Variants in PCDHA2 observed in about 807,000 individuals in gnomAD.
The protein encoded by PCDHA2 is protocadherin alpha-2.
Under a neutral mutation model 66.0 loss-of-function variants are expected in PCDHA2, and 58 were observed. The ratio of observed to expected loss-of-function variants is 0.88; its 90% CI spans 0.71 to 1.09. PCDHA2 has a LOEUF of 1.09. PCDHA2 is among the 50% of genes least tolerant of loss of function. The pLI is 0.00. For missense variants in PCDHA2, 1,267 were observed against 1,242.3 expected, an observed-to-expected ratio of 1.02 and a Z score of -0.30; for synonymous variants, 634 against 554.0, an observed-to-expected ratio of 1.14 and a Z score of -2.03.
Position 140,849,058 on chromosome 5 carries a change from A to G in PCDHA2, c.2388+51706A>G, listed in dbSNP as rs2150429611. 41 of 1,550,890 alleles carry G rather than the reference A, an allele frequency of 2.6e-5. 1 individual carries two copies. Among genetic ancestry groups the G allele is most frequent in the Non-Finnish European group, 3.6e-5 (41 of 1,140,546 alleles). On this transcript the variant is annotated intron_variant, in intron 1 of 3. Coordinates refer to ENST00000526136, the MANE Select transcript of PCDHA2 (RefSeq NM_018905.3). ...CTGGACGTGCCAACCAGCAACCAGCAGGTAAAACCTCTTGGACTTGTATTA... is the reference window on the plus strand; with the variant it reads ...CTGGACGTGCCAACCAGCAACCAGCGGGTAAAACCTCTTGGACTTGTATTA...
intron 1 of PCDHA2, among the ~76,000 whole-genome samples, chr5:140,943,257 C>CAAA (rs1238620023): frequency 1.0e-4 from 8 of 76,640 alleles, no homozygotes; most frequent in Admixed American, 6.0e-4. Context: ...GACTCTGTCT[C>CAAA]AAAAAAAAAA....
intron 1 of PCDHA2, chr5:140,861,445 G>T (rs1196401790): frequency 2.0e-6 from 1 of 494,332 alleles, no homozygotes; most frequent in Non-Finnish European, 4.2e-6. Flanking sequence ...AAAAGCCGCA[G>T]AAACCTTCTG....
chr5:140,869,180 T>C (rs782798909), intron 1 of PCDHA2: 1 of 1,613,322 alleles, frequency 6.2e-7, no homozygotes, highest in Admixed American at 1.7e-5. Flanking sequence ...TTCTGGGAGG[T>C]GGGGAGCGGC....
intron 1 of PCDHA2, among the ~76,000 whole-genome samples, chr5:140,920,075 G>T (rs190821804): frequency 6.6e-6 from 1 of 152,316 alleles, no homozygotes; most frequent in Admixed American, 6.5e-5. Flanking sequence ...GGCAGAAACA[G>T]ATTCTCCGTA....
intron 1 of PCDHA2, chr5:140,852,259 C>G: frequency 2.0e-6 from 1 of 509,052 alleles, no homozygotes; most frequent in Non-Finnish European, 2.6e-6. Flanking sequence ...TTGGAATATG[C>G]TACAATATTA....
At chr5:140,824,106 G>A in intron 1 of PCDHA2, 1 of 1,614,086 alleles carries the variant, frequency 6.2e-7, no homozygotes, top group Non-Finnish European at 8.5e-7. Context: ...GCCTTCCTCA[G>A]GGTCCCACCT....
chr5:140,954,487 A>T (rs1585567544), intron 1 of PCDHA2, among the ~76,000 whole-genome samples: 1 of 152,120 alleles, frequency 6.6e-6, no homozygotes, highest in African/African-American at 2.4e-5. Flanking sequence ...AAGATATTTC[A>T]TTGTGGTTTT....
At chr5:140,990,471 A>G (rs892013539) in intron 3 of PCDHA2, among the ~76,000 whole-genome samples, 4 of 152,204 alleles carry the variant, frequency 2.6e-5, no homozygotes, top group Admixed American at 1.3e-4. Context: ...GGTATCATGT[A>G]TCAAGCTGAA....
chr5:140,797,326 C>T lies in PCDHA2; in HGVS notation c.2362C>T (p.Leu788Phe), dbSNP rs1407707059. The stretch of plus-strand genomic sequence containing the variant: ...TCCAGACTCCGCAGAAGAGAAACAG[C>T]TCTCAGAATCAGAATACGTAGGAAA... ...QGPDSAEEKQ[L>F]SESEYVGKPR... Residue 788 changes from leucine to phenylalanine, a missense_variant, in exon 1 of 4, where the codon CTC becomes TTC. By Grantham distance (22) the Leu-to-Phe change is conservative. Coordinates refer to ENST00000526136, the MANE Select transcript of PCDHA2 (RefSeq NM_018905.3). 4 of 1,614,042 alleles carry T rather than the reference C, an allele frequency of 2.5e-6. No homozygotes were observed. Among genetic ancestry groups the T allele is most frequent in the Middle Eastern group, 1.6e-4 (1 of 6,084 alleles).
intron 1 of PCDHA2, among the ~76,000 whole-genome samples, chr5:140,912,933 C>T (rs1433213824): frequency 6.6e-6 from 1 of 152,070 alleles, no homozygotes; most frequent in African/African-American, 2.4e-5. Context: ...TTGAATCATC[C>T]TTGTATCCCT....
At position 140,857,848 on chromosome 5, in the gene PCDHA2, T is replaced by C. The variant is rs781886791; in HGVS notation, c.2388+60496T>C. The C allele has an allele frequency of 1.4e-5, 23 of 1,597,666 alleles. No homozygotes were observed. The highest frequency in any genetic ancestry group is 1.9e-5 in the Non-Finnish European group (22 of 1,167,550). The stretch of plus-strand genomic sequence containing the variant: ...AGGTGCGCGCAGTGGACGCTGACTC[T>C]GGATACAACGCGTGGCTGTCGTATG... On this transcript the variant is annotated intron_variant, in intron 1 of 3. Coordinates refer to ENST00000526136, the MANE Select transcript of PCDHA2 (RefSeq NM_018905.3).
At chr5:140,967,136 C>CTT (rs1401459371) in intron 1 of PCDHA2, 1 of 1,611,568 alleles carries the variant, frequency 6.2e-7, no homozygotes, top group African/African-American at 1.3e-5. Context: ...CTTGGAAGTG[C>CTT]TGGCGCACAA....
chr5:140,994,379 G>A (rs2097618506), intron 3 of PCDHA2, among the ~76,000 whole-genome samples: 1 of 152,112 alleles, frequency 6.6e-6, no homozygotes. Flanking sequence ...AAATTCAGGG[G>A]ACTAAGTCAG....
rs2051668710 is a variant in PCDHA2, at chr5:140,870,104, CA to C, written c.2388+72753del. The C allele has an allele frequency of 1.9e-6, 3 of 1,613,930 alleles. No individual in the cohort carries two copies. In the East Asian group the frequency reaches 6.7e-5, roughly 36 times the overall value. On this transcript the variant is annotated intron_variant, in intron 1 of 3. Coordinates refer to ENST00000526136, the MANE Select transcript of PCDHA2 (RefSeq NM_018905.3). ...ACTCCCCCAATGGCAGGTCACTGTACAGTCTGGGTGGAAATCTTGGACACCA... is the reference window on the plus strand; with the variant it reads ...ACTCCCCCAATGGCAGGTCACTGTACGTCTGGGTGGAAATCTTGGACACCA...
At chr5:140,974,284 G>C (rs1409183152) in intron 1 of PCDHA2, among the ~76,000 whole-genome samples, 2 of 152,092 alleles carry the variant, frequency 1.3e-5, no homozygotes, top group Non-Finnish European at 2.9e-5. Flanking sequence ...CAGAACTCTG[G>C]GCTCCAAGGA....
intron 1 of PCDHA2, chr5:140,884,124 G>T: frequency 6.2e-7 from 1 of 1,613,344 alleles, no homozygotes; most frequent in South Asian, 1.1e-5. Flanking sequence ...GTCGGCGCGC[G>T]CATCCCGTTC....
intron 1 of PCDHA2, chr5:140,815,742 T>A (rs1251278764): frequency 6.6e-6 from 1 of 152,198 alleles, no homozygotes; most frequent in Non-Finnish European, 1.5e-5. Context: ...AAAGGCCCCC[T>A]CTTAACATTT....
intron 1 of PCDHA2, chr5:140,877,170 G>A (rs782615376): frequency 6.2e-7 from 1 of 1,613,712 alleles, no homozygotes. Flanking sequence ...CGGCACTGCT[G>A]GCGACTCCGG....
chr5:140,875,411 T>C, intron 1 of PCDHA2: 1 of 1,503,674 alleles, frequency 6.7e-7, no homozygotes, highest in Non-Finnish European at 8.9e-7. Context: ...GCTCATAAAA[T>C]ACCTCAGGCA....
Sources: gnomAD v4.1 joint callset for allele counts (sites outside exome capture counted in the v4.1 genomes callset) on GRCh38, gnomAD v4.1.1 for gene constraint, MANE v1.5 for transcripts, NCBI Gene and HGNC (gene_info 2026-07-23, HGNC 2026-07-21) for gene names.